Variants in EPHA7 observed in about 807,000 individuals in gnomAD.
EPHA7 encodes ephrin type-A receptor 7.
In EPHA7, 25 loss-of-function variants were observed where a neutral mutation model predicts 112.6. That is an observed-to-expected ratio of 0.22 (90% CI 0.16 to 0.31). The LOEUF is 0.31. Ranked by LOEUF, EPHA7 falls within the 10% of genes least tolerant of loss-of-function variation. EPHA7 has a pLI of 1.00. For synonymous variants in EPHA7, 437 were observed against 406.5 expected (o/e 1.07, Z -0.90); for missense variants, 962 against 1,212.6 (o/e 0.79, Z 3.07).
chr6:93,382,216 C>T (rs1777371500), intron 3 of EPHA7, among the ~76,000 whole-genome samples: 1 of 152,056 alleles, frequency 6.6e-6, no homozygotes, highest in Non-Finnish European at 1.5e-5. Flanking sequence ...ACAATTTTTC[C>T]ATAAATGGGT....
At chr6:93,327,173 C>T (rs1192287680) in intron 5 of EPHA7, among the ~76,000 whole-genome samples, 1 of 151,502 alleles carries the variant, frequency 6.6e-6, no homozygotes, top group Non-Finnish European at 1.5e-5. Context: ...TTGATTATAT[C>T]CAAAGTTCAG....
chr6:93,264,047 T>C (rs1024266733), intron 8 of EPHA7, 132 bp from the exon 9 acceptor site: 2 of 532,762 alleles, frequency 3.8e-6, no homozygotes, highest in Non-Finnish European at 6.3e-6. Flanking sequence ...ATCCATTTAG[T>C]AATAATATAG....
At chr6:93,322,839 A>C (rs566081944) in intron 5 of EPHA7, among the ~76,000 whole-genome samples, 1 of 151,568 alleles carries the variant, frequency 6.6e-6, no homozygotes. Context: ...AGTTTTACAG[A>C]TTCAGGGAGC....
chr6:93,346,304 A>G (rs1775404053), intron 5 of EPHA7, among the ~76,000 whole-genome samples: 1 of 151,758 alleles, frequency 6.6e-6, no homozygotes, highest in African/African-American at 2.4e-5. Flanking sequence ...TTGCTCTTAA[A>G]TGAAATTTTT....
At chr6:93,328,941 G>A (rs2127898227) in intron 5 of EPHA7, among the ~76,000 whole-genome samples, 1 of 151,444 alleles carries the variant, frequency 6.6e-6, no homozygotes, top group South Asian at 2.1e-4. Flanking sequence ...GAGAAAAACA[G>A]CAAGTCAAGG....
intron 5 of EPHA7, among the ~76,000 whole-genome samples, chr6:93,354,633 C>CA (rs35810853): frequency 0.29 from 28,877 of 98,066 alleles, 3,601 homozygotes; most frequent in East Asian, 0.6. Flanking sequence ...ACAAATAAAG[C>CA]AAAAAAAAAA....
rs778960808 is a variant in EPHA7 at position 93,356,909 on chromosome 6, C to G, written c.1132G>C (p.Glu378Gln). The G allele has an allele frequency of 1.2e-6, 2 of 1,614,110 alleles. No homozygotes were observed. The highest frequency in any genetic ancestry group is 1.7e-6 in the Non-Finnish European group (2 of 1,180,028). The part of the protein sequence containing the change: ...LCKRCSWEQG[E>Q]CVPCGSNIGY... ...ATGTTACTCCCACAGGGAACACATT[C>G]GCCCTGCTCCCAACTGCACCGCTTA... Residue 378 changes from glutamate to glutamine, a missense_variant, in exon 5 of 17, where the codon GAA becomes CAA. Transcript: ENST00000369303.
At chr6:93,282,101 T>G (rs973370666) in intron 5 of EPHA7, among the ~76,000 whole-genome samples, 2 of 152,158 alleles carry the variant, frequency 1.3e-5, no homozygotes, top group African/African-American at 4.8e-5. Flanking sequence ...ACTCTGGAAA[T>G]TCATAGATTT....
chr6:93,332,778 C>A (rs1050433081), intron 5 of EPHA7, among the ~76,000 whole-genome samples: 1 of 151,594 alleles, frequency 6.6e-6, no homozygotes, highest in African/African-American at 2.4e-5. Context: ...AGATTTAAAG[C>A]AATTAACTTG....
At chr6:93,412,545 T>G (rs1157109472) in intron 2 of EPHA7, among the ~76,000 whole-genome samples, 1 of 152,088 alleles carries the variant, frequency 6.6e-6, no homozygotes, top group Non-Finnish European at 1.5e-5. Flanking sequence ...AGAACCCATT[T>G]TAATGTTCAG....
At chr6:93,272,114 G>T (rs1771252019) in intron 6 of EPHA7, among the ~76,000 whole-genome samples, 184 bp downstream of exon 6, 1 of 151,802 alleles carries the variant, frequency 6.6e-6, no homozygotes, top group African/African-American at 2.4e-5. Context: ...TTAATACACA[G>T]AAATCACATT....
chr6:93,408,412 A>G (rs982959937), intron 3 of EPHA7, among the ~76,000 whole-genome samples: 2 of 151,990 alleles, frequency 1.3e-5, no homozygotes, highest in Admixed American at 6.6e-5. Context: ...TTCTCTACTT[A>G]CCCAGTGGAA....
chr6:93,330,572 A>T (rs2127901473), intron 5 of EPHA7, among the ~76,000 whole-genome samples: 1 of 151,412 alleles, frequency 6.6e-6, no homozygotes, highest in African/African-American at 2.4e-5. Context: ...CACTTAACAT[A>T]ATGTCCTCCA....
intron 15 of EPHA7, 46 bp downstream of exon 15, chr6:93,246,746 A>G (rs1769970770): frequency 6.7e-7 from 1 of 1,501,656 alleles, no homozygotes; most frequent in African/African-American, 1.4e-5. Context: ...GGTTTATGTT[A>G]CTATTGTAAT....
intron 9 of EPHA7, among the ~76,000 whole-genome samples, chr6:93,262,630 A>G (rs184045092): frequency 1.1e-4 from 16 of 151,476 alleles, no homozygotes; most frequent in African/African-American, 3.4e-4. Flanking sequence ...GTACTACCCC[A>G]CATGCCCTTC....
At chr6:93,329,096 A>AT (rs1304052515) in intron 5 of EPHA7, among the ~76,000 whole-genome samples, 1 of 151,474 alleles carries the variant, frequency 6.6e-6, no homozygotes, top group African/African-American at 2.4e-5. Flanking sequence ...GATGTAGGGT[A>AT]TTTTTTTCAT....
intron 5 of EPHA7, among the ~76,000 whole-genome samples, chr6:93,334,619 CTT>C (rs1562103802): frequency 6.6e-6 from 1 of 151,960 alleles, no homozygotes; most frequent in Non-Finnish European, 1.5e-5. Context: ...AGAGAACAAA[CTT>C]AATATATAAT....
chr6:93,314,557 A>AC (rs1773701559), intron 5 of EPHA7, among the ~76,000 whole-genome samples: 1 of 152,188 alleles, frequency 6.6e-6, no homozygotes, highest in African/African-American at 2.4e-5. Context: ...ACGAAGAGCA[A>AC]CAAGACCACC....
intron 5 of EPHA7, among the ~76,000 whole-genome samples, chr6:93,279,368 CCAGA>C (rs1395168134): frequency 6.6e-6 from 1 of 152,054 alleles, no homozygotes; most frequent in Non-Finnish European, 1.5e-5. Context: ...ATTTATTTGA[CCAGA>C]CACTTATCAA....
Sources: allele counts gnomAD v4.1 joint callset (sites outside exome capture counted in the v4.1 genomes callset), GRCh38; gene constraint gnomAD v4.1.1; transcripts MANE v1.5; gene names NCBI Gene and HGNC (gene_info 2026-07-23, HGNC 2026-07-21).